GVQW3: variants seen among roughly 807,000 people sequenced by gnomAD.
The protein encoded by GVQW3 is GVQW motif containing 3.
A neutral mutation model predicts 12.5 loss-of-function variants in GVQW3; 7 were observed. The observed-to-expected ratio is 0.56, with a 90% CI of 0.32 to 1.05. The LOEUF is 1.05. Among genes scored for constraint, GVQW3 ranks in the 50% least tolerant of loss-of-function variants. GVQW3 has a pLI of 0.04. For synonymous variants in GVQW3, 71 were observed against 67.2 expected (o/e 1.06, Z -0.28); for missense variants, 188 against 190.8 (o/e 0.99, Z 0.09).
chr11:76,389,840 A>T (rs1043142371), intron 1 of GVQW3: 1 of 152,222 alleles, frequency 6.6e-6, no homozygotes, highest in Admixed American at 6.5e-5. Context: ...ATACTGGGAC[A>T]CTCAAGCAAC....
At chr11:76,399,407 G>A (rs1430262096) in intron 1 of GVQW3, among the ~76,000 whole-genome samples, 1 of 152,090 alleles carries the variant, frequency 6.6e-6, no homozygotes, top group African/African-American at 2.4e-5. Flanking sequence ...CTCCCAAAGT[G>A]CTGGGATTAC....
intron 1 of GVQW3, among the ~76,000 whole-genome samples, chr11:76,384,439 C>T (rs1472992567): frequency 6.6e-6 from 1 of 152,228 alleles, no homozygotes; most frequent in Non-Finnish European, 1.5e-5. Flanking sequence ...TCTCCTGACT[C>T]AGCCTCCTGA....
At chr11:76,385,335 C>T (rs556146888) in intron 1 of GVQW3, among the ~76,000 whole-genome samples, 1 of 152,298 alleles carries the variant, frequency 6.6e-6, no homozygotes, top group East Asian at 1.9e-4. Flanking sequence ...TGTCCACCCA[C>T]CAAATCTATT....
At chr11:76,399,035 G>A (rs569036640) in intron 1 of GVQW3, among the ~76,000 whole-genome samples, 1 of 152,268 alleles carries the variant, frequency 6.6e-6, no homozygotes, top group South Asian at 2.1e-4. Flanking sequence ...CCTTGTCACT[G>A]CAGACTTTTA....
chr11:76,410,375 GT>G (rs1487686146), downstream of GVQW3, among the ~76,000 whole-genome samples: 1 of 151,688 alleles, frequency 6.6e-6, no homozygotes, highest in African/African-American at 2.4e-5. Context: ...TGATGCATTA[GT>G]TCATCTGTCC....
chr11:76,412,272 A>G (rs1947084668), downstream of GVQW3: 1 of 152,226 alleles, frequency 6.6e-6, no homozygotes, highest in Non-Finnish European at 1.5e-5. Flanking sequence ...TGCAATTGCC[A>G]TAGGAAAGAT....
intron 1 of GVQW3, among the ~76,000 whole-genome samples, chr11:76,401,313 A>T (rs896487070): frequency 2.7e-5 from 4 of 148,296 alleles, no homozygotes; most frequent in Admixed American, 6.7e-5. Flanking sequence ...TCCTCATGTG[A>T]TTTGTTACTT....
At chr11:76,386,574 C>G (rs1305399869) in intron 1 of GVQW3, among the ~76,000 whole-genome samples, 1 of 152,132 alleles carries the variant, frequency 6.6e-6, no homozygotes, top group East Asian at 1.9e-4. Context: ...AAATGCTGCT[C>G]AGTCTCCCTG....
At chr11:76,391,478 A>G (rs79435327) in intron 1 of GVQW3, among the ~76,000 whole-genome samples, 2,586 of 152,354 alleles carry the variant, frequency 0.017, 33 homozygotes, top group Non-Finnish European at 0.027. Context: ...TATTTATGGG[A>G]GACCAGGGCA....
rs1161749536 is a variant in GVQW3 at position 76,407,741 on chromosome 11, A to C, written c.*3983A>C. 1 of 152,210 alleles carries C rather than the reference A, an allele frequency of 6.6e-6. No homozygotes were observed. 9.4% of individuals were successfully genotyped at this position (152,210 alleles called of 1,614,324 possible). Reference sequence around the variant, plus strand: ...CTTATTTGTAAAAGTAGTAAAAAGAAGGAAATAACCCAAATGTCCCACAAT... The same window carrying C: ...CTTATTTGTAAAAGTAGTAAAAAGACGGAAATAACCCAAATGTCCCACAAT... On this transcript the variant is annotated 3_prime_UTR_variant, in exon 2 of 2. Coordinates refer to ENST00000529331, the MANE Select transcript of GVQW3 (RefSeq NM_001347885.2).
intron 1 of GVQW3, among the ~76,000 whole-genome samples, chr11:76,387,478 G>A (rs1192798550): frequency 6.6e-6 from 1 of 152,108 alleles, no homozygotes; most frequent in African/African-American, 2.4e-5. Context: ...AAAAACAGAT[G>A]GCAGGACAGA....
At chr11:76,395,178 G>A (rs899554843) in intron 1 of GVQW3, 2 of 152,192 alleles carry the variant, frequency 1.3e-5, no homozygotes, top group Non-Finnish European at 1.5e-5. Flanking sequence ...ACTTTAAAGT[G>A]TACATCTCAG....
chr11:76,399,915 C>T (rs1410238826), intron 1 of GVQW3, among the ~76,000 whole-genome samples: 1 of 151,636 alleles, frequency 6.6e-6, no homozygotes, highest in Non-Finnish European at 1.5e-5. Context: ...CTACAGCTTG[C>T]CAGGTACAGA....
At chr11:76,395,340 A>G (rs537676375) in intron 1 of GVQW3, among the ~76,000 whole-genome samples, 1 of 152,316 alleles carries the variant, frequency 6.6e-6, no homozygotes, top group African/African-American at 2.4e-5. Context: ...TCAACTTTCT[A>G]TCTCTATGGA....
At chr11:76,409,043 C>G (rs186721933), downstream of GVQW3, among the ~76,000 whole-genome samples, 392 of 152,322 alleles carry the variant, frequency 2.6e-3, no homozygotes, top group Middle Eastern at 6.8e-3. Flanking sequence ...GCCTATGCTT[C>G]AGGCATTTCC....
At position 76,407,269 on chromosome 11, in the gene GVQW3, C is replaced by T. The variant is rs1947049052; in HGVS notation, c.*3511C>T. 2 of 152,000 alleles carry T rather than the reference C, an allele frequency of 1.3e-5. No individual in the cohort carries two copies. The highest frequency in any genetic ancestry group is 2.1e-4 in the South Asian group (1 of 4,822). 9.4% of individuals were successfully genotyped at this position (152,000 alleles called of 1,614,324 possible). A position where few individuals can be genotyped will look rare whatever the true frequency, so the allele number is the denominator to read the frequency against. ...TTTCTCAGAGCAATTTCGCAATGAG[C>T]ATCACGAAGCTTTAAAGAGTTTAAA... is the stretch of plus-strand genomic sequence containing the variant. On this transcript the variant is annotated 3_prime_UTR_variant, in exon 2 of 2. Transcript: ENST00000529331.
At chr11:76,391,929 G>A (rs1203444627) in intron 1 of GVQW3, among the ~76,000 whole-genome samples, 2 of 152,182 alleles carry the variant, frequency 1.3e-5, no homozygotes, top group African/African-American at 4.8e-5. Context: ...ACTCCAGCCC[G>A]GGCGACAGAG....
downstream of GVQW3, chr11:76,412,530 A>G (rs1359849511): frequency 6.6e-6 from 1 of 152,188 alleles, no homozygotes. Flanking sequence ...ATCAAAGAAA[A>G]ATCACTGCAC....
chr11:76,400,006 TACACACACACAC>T (rs60192043), intron 1 of GVQW3, among the ~76,000 whole-genome samples: 80 of 140,460 alleles, frequency 5.7e-4, no homozygotes, highest in South Asian at 1.2e-3. Context: ...TCTCTCTGTA[TACACACACACAC>T]ACACACACAC....
Sources: gnomAD v4.1 joint callset for allele counts (sites outside exome capture counted in the v4.1 genomes callset) on GRCh38, gnomAD v4.1.1 for gene constraint, MANE v1.5 for transcripts, NCBI Gene and HGNC (gene_info 2026-07-23, HGNC 2026-07-21) for gene names.